ENPP2: variants seen among roughly 807,000 people sequenced by gnomAD.
ENPP2 encodes the protein autotaxin.
In ENPP2, 51 loss-of-function variants were observed where a neutral mutation model predicts 120.2. The observed-to-expected ratio is 0.42, with a 90% CI of 0.34 to 0.54. ENPP2 has a LOEUF of 0.54. ENPP2 is among the 20% of genes least tolerant of loss of function. The probability of loss-of-function intolerance (pLI) is 0.04; values close to 1 mark genes in which losing one functional copy is unlikely to be tolerated. For missense variants in ENPP2, 920 were observed against 1,066.5 expected, an observed-to-expected ratio of 0.86 and a Z score of 1.91; for synonymous variants, 365 against 366.4, an observed-to-expected ratio of 1.00 and a Z score of 0.04.
intron 1 of ENPP2, among the ~76,000 whole-genome samples, chr8:119,664,333 A>C (rs1818009089): frequency 6.6e-6 from 1 of 152,208 alleles, no homozygotes; most frequent in East Asian, 1.9e-4. Flanking sequence ...CAAGCTGTGC[A>C]GCCTTGAACA....
intron 2 of ENPP2, among the ~76,000 whole-genome samples, 190 bp from the exon 3 acceptor site, chr8:119,626,910 A>C (rs940039959): frequency 7.9e-5 from 12 of 152,198 alleles, no homozygotes; most frequent in Non-Finnish European, 1.3e-4. Flanking sequence ...CTCATCTGTA[A>C]AGTGGGGGAC....
At chr8:119,570,643 C>A (rs1347506247) in intron 20 of ENPP2, 62 bp downstream of exon 20, 2 of 857,286 alleles carry the variant, frequency 2.3e-6, no homozygotes, top group South Asian at 2.0e-5. Flanking sequence ...AGCAAGGAAT[C>A]ATTGTATTAA....
At chr8:119,569,991 A>G (rs1286771301) in intron 20 of ENPP2, among the ~76,000 whole-genome samples, 1 of 152,138 alleles carries the variant, frequency 6.6e-6, no homozygotes, top group Non-Finnish European at 1.5e-5. Flanking sequence ...CAACAGGGCC[A>G]GGCGTGGTGG....
At chr8:119,622,768 C>T (rs56000834) in intron 3 of ENPP2, among the ~76,000 whole-genome samples, 2,491 of 152,138 alleles carry the variant, frequency 0.016, 75 homozygotes, top group African/African-American at 0.057. Flanking sequence ...TCATAGTTAA[C>T]TCATTTACTC....
intron 1 of ENPP2, among the ~76,000 whole-genome samples, chr8:119,652,652 T>C (rs1817659611): frequency 6.6e-6 from 1 of 152,162 alleles, no homozygotes; most frequent in Non-Finnish European, 1.5e-5. Flanking sequence ...ATTCTCCAGC[T>C]TCCTAAGCAT....
chr8:119,569,092 G>T, intron 21 of ENPP2, 143 bp downstream of exon 21: 1 of 766,816 alleles, frequency 1.3e-6, no homozygotes, highest in Non-Finnish European at 2.1e-6. Flanking sequence ...GGCTGATTTT[G>T]GAAGGATCCC....
intron 1 of ENPP2, among the ~76,000 whole-genome samples, chr8:119,665,890 T>C (rs1274673903): frequency 6.6e-6 from 1 of 152,210 alleles, no homozygotes; most frequent in Non-Finnish European, 1.5e-5. Flanking sequence ...TAAATGTTTG[T>C]CTTGGGAGTT....
At chr8:119,666,484 T>C (rs1818073468) in intron 1 of ENPP2, among the ~76,000 whole-genome samples, 1 of 151,942 alleles carries the variant, frequency 6.6e-6, no homozygotes, top group Admixed American at 6.5e-5. Flanking sequence ...AAAAAGACAA[T>C]TTAAAAAGAA....
chr8:119,581,116 AT>A (rs1239396024), intron 18 of ENPP2: 1 of 152,040 alleles, frequency 6.6e-6, no homozygotes, highest in Non-Finnish European at 1.5e-5. Flanking sequence ...AACTACAAAA[AT>A]TATCCAGGCA....
chr8:119,629,729 C>T (rs891537818), intron 2 of ENPP2, among the ~76,000 whole-genome samples: 1 of 151,950 alleles, frequency 6.6e-6, no homozygotes, highest in African/African-American at 2.4e-5. Flanking sequence ...CTTTGACCAA[C>T]CTATCAACAG....
At chr8:119,648,420 G>T (rs892052215) in intron 1 of ENPP2, among the ~76,000 whole-genome samples, 1 of 152,158 alleles carries the variant, frequency 6.6e-6, no homozygotes, top group African/African-American at 2.4e-5. Context: ...GAGAAAATGA[G>T]CAGCTCTTAT....
chr8:119,648,750 C>T (rs777334686), intron 1 of ENPP2, among the ~76,000 whole-genome samples: 4 of 152,172 alleles, frequency 2.6e-5, no homozygotes, highest in Non-Finnish European at 5.9e-5. Context: ...AAGGCTTCTA[C>T]AAAAAGTCCA....
At chr8:119,605,345 C>A (rs1249280040) in intron 9 of ENPP2, among the ~76,000 whole-genome samples, 1 of 152,076 alleles carries the variant, frequency 6.6e-6, no homozygotes, top group Non-Finnish European at 1.5e-5. Context: ...AGACTACAGG[C>A]ATGAGCCCCC....
chr8:119,605,467 T>TGTGTA (rs1209460755), intron 9 of ENPP2, among the ~76,000 whole-genome samples: 94 of 142,410 alleles, frequency 6.6e-4, no homozygotes, highest in African/African-American at 2.4e-3. Flanking sequence ...TGTGTGTGTA[T>TGTGTA]TTTTTTTTTT....
intron 20 of ENPP2, 77 bp downstream of exon 20, chr8:119,570,627 CT>C (rs1814884255): frequency 1.3e-6 from 1 of 744,520 alleles, no homozygotes; most frequent in Non-Finnish European, 2.1e-6. Context: ...AGACAAAATT[CT>C]GTTAAGCAAG....
At chr8:119,624,346 A>C (rs1816121450) in intron 3 of ENPP2, among the ~76,000 whole-genome samples, 1 of 152,194 alleles carries the variant, frequency 6.6e-6, no homozygotes, top group African/African-American at 2.4e-5. Context: ...GGAGGAGGTC[A>C]CCTACCAGAT....
intron 24 of ENPP2, among the ~76,000 whole-genome samples, chr8:119,558,674 C>A (rs1159564453): frequency 6.6e-6 from 1 of 150,738 alleles, no homozygotes; most frequent in Non-Finnish European, 1.5e-5. Flanking sequence ...ATCTGAGAGC[C>A]CTGTGAATAT....
intron 3 of ENPP2, among the ~76,000 whole-genome samples, chr8:119,625,937 T>C (rs1231164695): frequency 4.6e-5 from 7 of 152,092 alleles, no homozygotes; most frequent in Non-Finnish European, 7.4e-5. Flanking sequence ...CCAAACAGAA[T>C]TCCATAACAA....
chr8:119,657,406 A>G (rs1159103638), intron 1 of ENPP2, among the ~76,000 whole-genome samples: 2 of 152,166 alleles, frequency 1.3e-5, no homozygotes, highest in African/African-American at 4.8e-5. Flanking sequence ...TCTTCTTACT[A>G]AACTGAAAGT....
Sources: gnomAD v4.1 joint callset for allele counts (sites outside exome capture counted in the v4.1 genomes callset) on GRCh38, gnomAD v4.1.1 for gene constraint, MANE v1.5 for transcripts, NCBI Gene and HGNC (gene_info 2026-07-23, HGNC 2026-07-21) for gene names.